PDE4D: variants seen among roughly 807,000 people sequenced by gnomAD.
The protein encoded by PDE4D is 3',5'-cyclic-AMP phosphodiesterase 4D.
PDE4D carries 24 observed loss-of-function variants against 87.4 expected under a neutral mutation model. The ratio of observed to expected loss-of-function variants is 0.27; its 90% confidence interval spans 0.20 to 0.39. The LOEUF (loss-of-function observed/expected upper bound fraction) is 0.39, where lower values mean the gene tolerates loss of function less well. Ranked by LOEUF, PDE4D falls within the 10% of genes least tolerant of loss-of-function variation. The pLI is 1.00. For synonymous variants in PDE4D, 384 were observed against 383.2 expected, an observed-to-expected ratio of 1.00 and a Z score of -0.02; for missense variants, 714 against 1,041.0, an observed-to-expected ratio of 0.69 and a Z score of 4.32.
chr5:59,389,520 A>G (rs1787808909), intron 1 of PDE4D, among the ~76,000 whole-genome samples: 1 of 152,116 alleles, frequency 6.6e-6, no homozygotes, highest in South Asian at 2.1e-4. Flanking sequence ...TAGTACAGCC[A>G]TAATAGAAAA....
upstream of PDE4D, among the ~76,000 whole-genome samples, chr5:60,491,792 G>C (rs1749546502): frequency 6.6e-6 from 1 of 152,052 alleles, no homozygotes; most frequent in African/African-American, 2.4e-5. Context: ...GGCCACCTGG[G>C]TTCACATCCC....
intron 1 of PDE4D, among the ~76,000 whole-genome samples, chr5:59,811,556 T>C (rs1265709942): frequency 6.6e-6 from 1 of 152,238 alleles, no homozygotes; most frequent in Non-Finnish European, 1.5e-5. Context: ...CCTACTTTCC[T>C]GACTCTCAGC....
intron 2 of PDE4D, among the ~76,000 whole-genome samples, chr5:59,991,353 C>A (rs1281410190): frequency 6.6e-6 from 1 of 152,026 alleles, no homozygotes; most frequent in Non-Finnish European, 1.5e-5. Flanking sequence ...TGGAATAGGA[C>A]CTGGGAGTCT....
chr5:59,878,470 TTTAC>T (rs529085993), intron 1 of PDE4D, among the ~76,000 whole-genome samples: 102 of 151,264 alleles, frequency 6.7e-4, no homozygotes, highest in Admixed American at 1.6e-3. Context: ...TTTTTATTTA[TTTAC>T]TTACTTACTA....
At chr5:60,021,219 G>A (rs538847020) in intron 2 of PDE4D, 7 of 152,218 alleles carry the variant, frequency 4.6e-5, no homozygotes, top group Middle Eastern at 3.4e-3. Context: ...ATAGATTCAG[G>A]AATGCAGTCA....
intron 1 of PDE4D, among the ~76,000 whole-genome samples, chr5:59,823,255 C>G (rs1457847723): frequency 6.6e-6 from 1 of 152,148 alleles, no homozygotes; most frequent in Non-Finnish European, 1.5e-5. Flanking sequence ...TAATGCCTTC[C>G]TGTATAATGC....
chr5:59,580,277 A>G (rs1027961579), intron 1 of PDE4D, among the ~76,000 whole-genome samples: 1 of 152,140 alleles, frequency 6.6e-6, no homozygotes, highest in African/African-American at 2.4e-5. Flanking sequence ...CTCTGTGAAC[A>G]TTACCTTCCT....
chr5:59,209,759 T>G (rs1749672416), intron 2 of PDE4D, among the ~76,000 whole-genome samples: 1 of 152,222 alleles, frequency 6.6e-6, no homozygotes, highest in African/African-American at 2.4e-5. Context: ...CATTGATTTC[T>G]GCTCAGCACT....
chr5:60,459,963 A>G (rs1261527228), intron 1 of PDE4D: 12 of 769,790 alleles, frequency 1.6e-5, no homozygotes, highest in Non-Finnish European at 2.3e-5. Context: ...CCTCTTCATC[A>G]TCATCATCAT....
At chr5:59,771,483 A>AGAGAG (rs1554081452) in intron 1 of PDE4D, among the ~76,000 whole-genome samples, 5 of 54,404 alleles carry the variant, frequency 9.2e-5, no homozygotes, top group South Asian at 7.3e-4. Flanking sequence ...GAAAGAAAGA[A>AGAGAG]AGAGAGAGAG....
chr5:60,369,248 C>G (rs1362126196), intron 1 of PDE4D, among the ~76,000 whole-genome samples: 4 of 152,030 alleles, frequency 2.6e-5, no homozygotes, highest in African/African-American at 9.7e-5. Flanking sequence ...TTGAAGCCAC[C>G]AGGGCAGGTG....
At chr5:59,785,409 T>G (rs189028470) in intron 1 of PDE4D, among the ~76,000 whole-genome samples, 1 of 152,338 alleles carries the variant, frequency 6.6e-6, no homozygotes. Context: ...CTAACGTTTA[T>G]TGAGCACCTA....
intron 3 of PDE4D, among the ~76,000 whole-genome samples, chr5:59,974,926 C>G (rs927511794): frequency 6.6e-6 from 1 of 152,118 alleles, no homozygotes; most frequent in African/African-American, 2.4e-5. Context: ...CATCCCAGAT[C>G]CTAACCTCTC....
intron 1 of PDE4D, among the ~76,000 whole-genome samples, chr5:59,308,027 A>G (rs1042815363): frequency 5.9e-5 from 9 of 152,336 alleles, no homozygotes; most frequent in East Asian, 5.8e-4. Context: ...AAAGCTATGC[A>G]GCCATAAAAA....
At chr5:59,467,422 C>G (rs1801745415) in intron 1 of PDE4D, among the ~76,000 whole-genome samples, 1 of 152,122 alleles carries the variant, frequency 6.6e-6, no homozygotes, top group Non-Finnish European at 1.5e-5. Flanking sequence ...TGAGATAAGA[C>G]TAGTAAATGG....
intron 1 of PDE4D, among the ~76,000 whole-genome samples, chr5:59,225,523 A>G (rs896834366): frequency 6.6e-6 from 1 of 152,154 alleles, no homozygotes; most frequent in Non-Finnish European, 1.5e-5. Context: ...TTCTATTTCT[A>G]TAAAAAATAC....
At chr5:59,995,339 A>G (rs1418993247) in intron 2 of PDE4D, among the ~76,000 whole-genome samples, 2 of 125,928 alleles carry the variant, frequency 1.6e-5, no homozygotes, top group African/African-American at 5.9e-5. Context: ...TTTTTTTGAG[A>G]TGGAGTTTTG....
At chr5:59,371,645 T>C (rs921782195) in intron 1 of PDE4D, among the ~76,000 whole-genome samples, 1 of 152,202 alleles carries the variant, frequency 6.6e-6, no homozygotes, top group Non-Finnish European at 1.5e-5. Context: ...GAACCTACTA[T>C]AGATATGAAA....
rs537836136 is a variant in PDE4D, at chr5:59,573,495, AC to A, written c.455+319672del. Among the ~76,000 whole-genome samples, 453 of 152,170 alleles carry A rather than the reference AC, an allele frequency of 3.0e-3. 2 individuals carry two copies. The highest frequency in any genetic ancestry group is 3.7e-3 in the Non-Finnish European group (255 of 68,008). ...GGGGAGGGATCTGTTTATGGAGTAT[AC>A]CCGCAGTTCTCAGCCTTCCCAGGGC... On this transcript the variant is annotated intron_variant, in intron 1 of 14. Coordinates refer to ENST00000340635, the MANE Select transcript of PDE4D (RefSeq NM_001104631.2).
Sources: gnomAD v4.1 joint callset for allele counts (sites outside exome capture counted in the v4.1 genomes callset) on GRCh38, gnomAD v4.1.1 for gene constraint, MANE v1.5 for transcripts, NCBI Gene and HGNC (gene_info 2026-07-23, HGNC 2026-07-21) for gene names.